The following ADGRB1 variants were observed in gnomAD, a reference collection of about 807,000 sequenced individuals.
ADGRB1 encodes brain-specific angiogenesis inhibitor 1.
In ADGRB1, 36 loss-of-function variants were observed where a neutral mutation model predicts 175.7. The observed-to-expected ratio is 0.20, with a 90% CI of 0.16 to 0.27. ADGRB1 has a LOEUF of 0.27. Ranked by LOEUF, ADGRB1 falls within the 10% of genes least tolerant of loss-of-function variation. The pLI is 1.00. For synonymous variants in ADGRB1, 1,054 were observed against 979.4 expected, an observed-to-expected ratio of 1.08 and a Z score of -1.42; for missense variants, 1,731 against 2,255.3, an observed-to-expected ratio of 0.77 and a Z score of 4.71.
At chr8:142,490,998 G>A (rs764739515) in intron 17 of ADGRB1, among the ~76,000 whole-genome samples, 183 bp downstream of exon 17, 9 of 152,148 alleles carry the variant, frequency 5.9e-5, no homozygotes, top group Non-Finnish European at 1.2e-4. Flanking sequence ...CCACCAGGCC[G>A]CCTCCCACCC....
At position 142,542,540 on chromosome 8, in the gene ADGRB1, C is replaced by A. The variant is rs1261524352; in HGVS notation, c.4306C>A (p.Pro1436Thr). ...LPPPPNLEPA[P>T]PSLGDPGEPA... ...CCCACCGCCCAATCTGGAGCCGGCA[C>A]CCCCCAGCCTGGGGGATCCCGGGGA... The change falls in exon 28 of 31, where the codon CCC becomes ACC. Residue 1436 changes from proline (P) to threonine (T), a missense_variant. Coordinates refer to ENST00000517894, the MANE Select transcript of ADGRB1 (RefSeq NM_001702.3). The surrounding 1 kb of genome is among the most constrained non-coding windows in gnomAD (Gnocchi z 6.3). The A allele has an allele frequency of 2.0e-6, 3 of 1,505,478 alleles. No homozygotes were observed. The highest frequency in any genetic ancestry group is 2.7e-6 in the Non-Finnish European group (3 of 1,127,104). 93.3% of individuals were successfully genotyped at this position (1,505,478 alleles called of 1,614,324 possible).
chr8:142,469,636 T>C (rs1191550086), intron 2 of ADGRB1, among the ~76,000 whole-genome samples: 1 of 127,388 alleles, frequency 7.9e-6, no homozygotes, highest in African/African-American at 3.1e-5. Flanking sequence ...CATGTGTGTA[T>C]GTGCACGTGC....
chr8:142,482,663 C>T (rs112621597), intron 11 of ADGRB1, among the ~76,000 whole-genome samples: 5 of 143,608 alleles, frequency 3.5e-5, no homozygotes, highest in South Asian at 4.6e-4. Context: ...CGCTGAGCCT[C>T]GATCCTGGTC....
intron 17 of ADGRB1, among the ~76,000 whole-genome samples, chr8:142,501,839 T>G (rs11782810): frequency 0.14 from 1,420 of 10,028 alleles, 3 homozygotes; most frequent in East Asian, 0.19. Context: ...GGTGGTGGTA[T>G]TGATGTTTGT....
intron 24 of ADGRB1, among the ~76,000 whole-genome samples, chr8:142,531,129 C>T (rs1844599820): frequency 6.6e-6 from 1 of 152,222 alleles, no homozygotes; most frequent in Non-Finnish European, 1.5e-5. Flanking sequence ...AAGCCTTGCA[C>T]CTCCTCCCTT....
intron 1 of ADGRB1, among the ~76,000 whole-genome samples, chr8:142,459,208 A>G (rs1356039310): frequency 6.6e-6 from 1 of 152,198 alleles, no homozygotes; most frequent in African/African-American, 2.4e-5. Flanking sequence ...GAGGCTGGAA[A>G]AGCCTGCTGG....
chr8:142,538,366 G>A (rs1261397963), intron 26 of ADGRB1, among the ~76,000 whole-genome samples: 8 of 152,166 alleles, frequency 5.3e-5, no homozygotes, highest in Non-Finnish European at 1.0e-4. Context: ...CGGCCACTTC[G>A]GCTCTTGGGT....
intron 23 of ADGRB1, 24 bp from the exon 24 acceptor site, chr8:142,526,518 C>CCCCCCCCCCCCTCT: frequency 6.7e-7 from 1 of 1,492,524 alleles, no homozygotes; most frequent in African/African-American, 1.4e-5. Flanking sequence ...CACCCCCACA[C>CCCCCCCCCCCCTCT]CCCCACCACT....
chr8:142,507,473 C>T (rs1313684834), intron 17 of ADGRB1, among the ~76,000 whole-genome samples: 1 of 152,220 alleles, frequency 6.6e-6, no homozygotes, highest in Non-Finnish European at 1.5e-5. Flanking sequence ...CTCCTTGGGC[C>T]TTCCATGGCC....
chr8:142,507,706 C>A (rs1020428515), intron 17 of ADGRB1, among the ~76,000 whole-genome samples: 60 of 152,358 alleles, frequency 3.9e-4, no homozygotes, highest in African/African-American at 1.4e-3. Flanking sequence ...GCTCCCTGCA[C>A]CCTCGAAGTG....
intron 7 of ADGRB1, 191 bp from the exon 8 acceptor site, chr8:142,479,132 G>T: frequency 3.5e-6 from 2 of 565,100 alleles, no homozygotes; most frequent in Non-Finnish European, 5.6e-6. Flanking sequence ...TTTGTATCAG[G>T]CTGATGACTG....
chr8:142,470,616 C>A (rs529351889), intron 2 of ADGRB1, among the ~76,000 whole-genome samples: 1 of 152,160 alleles, frequency 6.6e-6, no homozygotes, highest in African/African-American at 2.4e-5. Flanking sequence ...CCCTGTGTGT[C>A]CCTGTGTGCG....
At position 142,544,181 on chromosome 8, in the gene ADGRB1, C is replaced by T. The variant is rs1203876269; in HGVS notation, c.4558-39C>T. On this transcript the variant is annotated intron_variant, in intron 30 of 30. Coordinates refer to ENST00000517894, the MANE Select transcript of ADGRB1 (RefSeq NM_001702.3). Reference sequence around the variant, plus strand: ...ACTCCTCGGGCTCATGGCTCTCCCTCCGGGCCCCACCCCTCCTGCACCACG... The same window carrying T: ...ACTCCTCGGGCTCATGGCTCTCCCTTCGGGCCCCACCCCTCCTGCACCACG... The T allele has an allele frequency of 3.2e-6, 5 of 1,543,828 alleles. No homozygotes were observed. The African/African-American group carries it at 4.1e-5, about 13-fold the overall frequency.
At chr8:142,489,537 A>G (rs1841884598) in intron 16 of ADGRB1, 99 bp downstream of exon 16, 2 of 1,291,668 alleles carry the variant, frequency 1.5e-6, no homozygotes, top group East Asian at 4.6e-5. Context: ...GCCTCCTCAC[A>G]ACAGCTTTAA....
chr8:142,529,936 G>T (rs1263988719), intron 24 of ADGRB1, among the ~76,000 whole-genome samples: 1 of 151,522 alleles, frequency 6.6e-6, no homozygotes, highest in African/African-American at 2.4e-5. Flanking sequence ...GTACCTGTGA[G>T]CGTGCATCTG....
chr8:142,486,997 G>A (rs1054531287), intron 13 of ADGRB1, among the ~76,000 whole-genome samples: 10 of 152,196 alleles, frequency 6.6e-5, no homozygotes, highest in Non-Finnish European at 1.3e-4. Context: ...TTCAGCCTGA[G>A]CAATAGGCTG....
At position 142,510,712 on chromosome 8, in the gene ADGRB1, TCGG is replaced by T. The variant is rs938209564; in HGVS notation, c.2676-204_2676-202del. On this transcript the variant is annotated intron_variant, in intron 17 of 30. Coordinates refer to ENST00000517894, the MANE Select transcript of ADGRB1 (RefSeq NM_001702.3). The surrounding 1 kb of genome is among the most constrained non-coding windows in gnomAD (Gnocchi z 6.3). ...TCCCTCGGGCTGCGCTCCGCGGCTC[TCGG>T]CGGCGGCGGCGGCGGGCGCAGAGCG... Among the ~76,000 whole-genome samples, 43 of 142,088 alleles carry T rather than the reference TCGG, an allele frequency of 3.0e-4. No homozygotes were observed. Among genetic ancestry groups the T allele is most frequent in the Admixed American group, 2.8e-3 (41 of 14,498 alleles). 93.2% of individuals were successfully genotyped at this position (142,088 alleles called of 152,430 possible). A position where few individuals can be genotyped will look rare whatever the true frequency, so the allele number is the denominator to read the frequency against.
intron 13 of ADGRB1, among the ~76,000 whole-genome samples, chr8:142,486,367 G>A (rs559289238): frequency 8.5e-5 from 13 of 152,212 alleles, no homozygotes; most frequent in Non-Finnish European, 8.8e-5. Flanking sequence ...ATGAAGGCTC[G>A]AACTCTGATC....
chr8:142,467,510 G>A (rs534534669), intron 2 of ADGRB1, among the ~76,000 whole-genome samples: 5 of 152,340 alleles, frequency 3.3e-5, no homozygotes, highest in South Asian at 2.1e-4. Flanking sequence ...AGTTGAGGAA[G>A]TGGGGCTGGG....
Sources: allele counts gnomAD v4.1 joint callset (sites outside exome capture counted in the v4.1 genomes callset), GRCh38; gene constraint gnomAD v4.1.1; non-coding constraint Gnocchi (gnomAD v3.1); transcripts MANE v1.5; gene names NCBI Gene and HGNC (gene_info 2026-07-23, HGNC 2026-07-21).